The following MALT1 variants were observed in gnomAD, a reference collection of about 807,000 sequenced individuals.
MALT1 encodes the protein MALT1 paracaspase.
A neutral mutation model predicts 85.5 loss-of-function variants in MALT1; 36 were observed. The observed-to-expected ratio is 0.42, with a 90% CI of 0.32 to 0.56. MALT1 has a LOEUF of 0.56. Among genes scored for constraint, MALT1 ranks in the 20% least tolerant of loss-of-function variants. The pLI is 0.10. For synonymous variants in MALT1, 359 were observed against 361.3 expected (o/e 0.99, Z 0.07); for missense variants, 716 against 981.6 (o/e 0.73, Z 3.62).
chr18:58,742,791 C>T (rs910911579), intron 14 of MALT1, among the ~76,000 whole-genome samples: 5 of 152,290 alleles, frequency 3.3e-5, no homozygotes, highest in Admixed American at 1.3e-4. Flanking sequence ...GCATGGCACT[C>T]GACAAGTCCT....
At chr18:58,678,405 T>C (rs747844626) in intron 1 of MALT1, among the ~76,000 whole-genome samples, 1 of 152,218 alleles carries the variant, frequency 6.6e-6, no homozygotes, top group African/African-American at 2.4e-5. Flanking sequence ...CATTAATGCA[T>C]AATTAATATG....
intron 10 of MALT1, among the ~76,000 whole-genome samples, chr18:58,725,757 A>G (rs984009126): frequency 6.6e-6 from 1 of 152,124 alleles, no homozygotes; most frequent in Non-Finnish European, 1.5e-5. Context: ...CCTTTGTTTG[A>G]CTTTTAAAAC....
In MALT1 at chr18:58,710,929, G is replaced by A; in HGVS notation, c.934G>A (p.Asp312Asn). The change falls in exon 7 of 17, where the codon GAT becomes AAT. Residue 312 changes from aspartate to asparagine, a missense_variant. Coordinates refer to ENST00000649217, the MANE Select transcript of MALT1 (RefSeq NM_006785.4). ...GTTTTTTCTGAAACAAGGAAGAACA[G>A]ATGAGGCAGTGGAGTGCACTGAAGG... ...KKVEIIIGRT[D>N]EAVECTEDEL... 6.3e-7 allele frequency: 1 copy of A among 1,583,608 alleles called. No homozygotes were observed. The highest frequency in any genetic ancestry group is 8.6e-7 in the Non-Finnish European group (1 of 1,168,174).
chr18:58,724,407 A>G (rs1012999187), intron 10 of MALT1, among the ~76,000 whole-genome samples: 1 of 152,234 alleles, frequency 6.6e-6, no homozygotes, highest in Admixed American at 6.5e-5. Flanking sequence ...CTGATGTGTT[A>G]ATAAAACTTT....
At chr18:58,739,797 A>G (rs979979624) in intron 13 of MALT1, among the ~76,000 whole-genome samples, 4 of 114,092 alleles carry the variant, frequency 3.5e-5, no homozygotes, top group East Asian at 2.6e-4. Flanking sequence ...CTGTCCCTCT[A>G]TGTACACACA....
At chr18:58,717,473 T>A (rs7238879) in intron 9 of MALT1, among the ~76,000 whole-genome samples, 36,880 of 151,970 alleles carry the variant, frequency 0.24, 4,571 homozygotes, top group Middle Eastern at 0.34. Context: ...GTCTTACAAG[T>A]CTGATCTACA....
chr18:58,716,551 A>G (rs370546740), intron 9 of MALT1, among the ~76,000 whole-genome samples: 2 of 152,238 alleles, frequency 1.3e-5, no homozygotes, highest in South Asian at 2.1e-4. Flanking sequence ...GGATTCAGCT[A>G]CTGAAGATGT....
intron 2 of MALT1, among the ~76,000 whole-genome samples, chr18:58,696,066 A>G (rs993964546): frequency 1.3e-5 from 2 of 152,234 alleles, no homozygotes; most frequent in African/African-American, 4.8e-5. Context: ...GTGTTAGAAT[A>G]TGGGGGAAAA....
At chr18:58,726,416 AG>A (rs2055055174) in intron 10 of MALT1, among the ~76,000 whole-genome samples, 7 of 152,278 alleles carry the variant, frequency 4.6e-5, no homozygotes, top group African/African-American at 1.4e-4. Flanking sequence ...CTTTACCGCT[AG>A]TTGATATTAC....
At chr18:58,710,788 A>G (rs1468135557) in intron 6 of MALT1, 133 bp from the exon 7 acceptor site, 2 of 612,872 alleles carry the variant, frequency 3.3e-6, no homozygotes, top group Non-Finnish European at 2.9e-6. Flanking sequence ...TATATTGTTC[A>G]TAGTTGGAGG....
At position 58,735,304 on chromosome 18, in the gene MALT1, T is replaced by C. The variant is rs570727083; in HGVS notation, c.1578T>C (p.Thr526=). 36 of 1,604,532 alleles carry C rather than the reference T, an allele frequency of 2.2e-5. No individual in the cohort carries two copies. The African/African-American group carries it at 3.8e-4, about 17-fold the overall frequency. ...KDRLLEDKKI[T]VLLDEVAEDM... ...GATTATTAGAAGATAAGAAAATCAC[T>C]GTGTTACTGGATGAAGTTGCAGAAG... The change falls in exon 13 of 17, where the codon ACT becomes ACC. Residue 526 remains threonine (T), a synonymous_variant. Coordinates refer to ENST00000649217, the MANE Select transcript of MALT1 (RefSeq NM_006785.4).
At chr18:58,739,800 TACACACATACACACAC>T (rs1386405699) in intron 13 of MALT1, among the ~76,000 whole-genome samples, 1 of 90,306 alleles carries the variant, frequency 1.1e-5, no homozygotes, top group Non-Finnish European at 2.3e-5. Flanking sequence ...TCCCTCTATG[TACACACATACACACAC>T]ACACACACAC....
At chr18:58,722,142 C>A (rs1376167391) in intron 9 of MALT1, among the ~76,000 whole-genome samples, 1 of 150,610 alleles carries the variant, frequency 6.6e-6, no homozygotes, top group East Asian at 1.9e-4. Flanking sequence ...CCCTTTGATA[C>A]CAGTGGGTCT....
chr18:58,703,310 T>C (rs1319868008), intron 4 of MALT1, among the ~76,000 whole-genome samples: 2 of 151,906 alleles, frequency 1.3e-5, no homozygotes, highest in Non-Finnish European at 1.5e-5. Flanking sequence ...TGAGCCAAGA[T>C]TGCACCATGG....
intron 10 of MALT1, among the ~76,000 whole-genome samples, chr18:58,727,011 G>T (rs1438632876): frequency 6.6e-6 from 1 of 152,182 alleles, no homozygotes; most frequent in Non-Finnish European, 1.5e-5. Context: ...TAAGCCAAAA[G>T]GAATCTACAA....
intron 10 of MALT1, among the ~76,000 whole-genome samples, chr18:58,726,784 G>A (rs2055060828): frequency 6.6e-6 from 1 of 152,232 alleles, no homozygotes; most frequent in African/African-American, 2.4e-5. Flanking sequence ...GCCTTTCTGT[G>A]TTCATCGCTT....
chr18:58,737,450 C>T (rs947375759), intron 13 of MALT1, among the ~76,000 whole-genome samples: 5 of 148,700 alleles, frequency 3.4e-5, no homozygotes, highest in Admixed American at 2.0e-4. Context: ...CACTGCTCTC[C>T]AGCATGTGTG....
At chr18:58,719,405 C>T (rs796866072) in intron 9 of MALT1, among the ~76,000 whole-genome samples, 13 of 152,202 alleles carry the variant, frequency 8.5e-5, no homozygotes, top group South Asian at 4.1e-4. Flanking sequence ...CTCCTCTTCC[C>T]GCCCCCAACT....
intron 9 of MALT1, among the ~76,000 whole-genome samples, chr18:58,721,304 G>A (rs534354874): frequency 3.9e-4 from 59 of 152,100 alleles, no homozygotes; most frequent in Non-Finnish European, 6.5e-4. Context: ...GCTTGAACCC[G>A]GGAGGCAGAA....
Sources: gnomAD v4.1 joint callset for allele counts (sites outside exome capture counted in the v4.1 genomes callset) on GRCh38, gnomAD v4.1.1 for gene constraint, MANE v1.5 for transcripts, NCBI Gene and HGNC (gene_info 2026-07-23, HGNC 2026-07-21) for gene names.